Variants in RAB11FIP2 observed in about 807,000 individuals in gnomAD.
The protein encoded by RAB11FIP2 is RAB11 family interacting protein 2.
Under a neutral mutation model 40.9 loss-of-function variants are expected in RAB11FIP2, and 16 were observed. That is an observed-to-expected ratio of 0.39 (90% confidence interval 0.26 to 0.59). The LOEUF (loss-of-function observed/expected upper bound fraction) is 0.59, where lower values mean the gene tolerates loss of function less well. Among genes scored for constraint, RAB11FIP2 ranks in the 20% least tolerant of loss-of-function variants. The pLI, the probability that RAB11FIP2 is intolerant of heterozygous loss-of-function variation, is 0.53. For missense variants in RAB11FIP2, 532 were observed against 606.2 expected, an observed-to-expected ratio of 0.88 and a Z score of 1.28; for synonymous variants, 228 against 213.7, an observed-to-expected ratio of 1.07 and a Z score of -0.58.
At position 118,038,978 on chromosome 10, in the gene RAB11FIP2, G is replaced by A; in HGVS notation, c.1259C>T (p.Ser420Phe). 2 of 1,582,620 alleles carry A rather than the reference G, an allele frequency of 1.3e-6. No individual in the cohort carries two copies. The highest frequency in any genetic ancestry group is 1.7e-6 in the Non-Finnish European group (2 of 1,165,300). Residue 420 changes from serine to phenylalanine, a missense_variant, in exon 3 of 5, where the codon TCT becomes TTT. Physicochemically the swap from Ser to Phe is radical, Grantham distance 155. Coordinates refer to ENST00000355624, the MANE Select transcript of RAB11FIP2 (RefSeq NM_014904.3). ...AKFRASNIMP[S>F]SSFHMSPTSN... ...TCCCCCATATTAAGCTTACCTTGAA[G>A]ATGGCATTATATTTGAAGCCCTGAA...
rs541286947 is a variant in RAB11FIP2, at chr10:118,038,920, T to C, written c.1265+52A>G. 55 of 1,228,404 alleles carry C rather than the reference T, an allele frequency of 4.5e-5. No homozygotes were observed. In the African/African-American group the frequency reaches 7.9e-4, roughly 18 times the overall value. 76.1% of individuals were successfully genotyped at this position (1,228,404 alleles called of 1,614,324 possible). A position where few individuals can be genotyped will look rare whatever the true frequency, so the allele number is the denominator to read the frequency against. On this transcript the variant is annotated intron_variant, in intron 3 of 4. Coordinates refer to ENST00000355624, the MANE Select transcript of RAB11FIP2 (RefSeq NM_014904.3). ...GCATTTAAAAGAAATATTTGATACC[T>C]TCAAGTACAAGATTTTCCCAAATAG...
At chr10:118,034,175 C>T in intron 3 of RAB11FIP2, 1 of 636,428 alleles carries the variant, frequency 1.6e-6, no homozygotes, top group African/African-American at 1.8e-5. Context: ...CAAAAACTGG[C>T]AGCAAGCCAG....
intron 3 of RAB11FIP2, among the ~76,000 whole-genome samples, chr10:118,017,116 G>A (rs1846230348): frequency 6.6e-6 from 1 of 152,158 alleles, no homozygotes; most frequent in African/African-American, 2.4e-5. Context: ...ACAAGTCACA[G>A]AGAGGTTAGG....
At chr10:118,032,244 A>G (rs1335141204) in intron 3 of RAB11FIP2, among the ~76,000 whole-genome samples, 1 of 152,070 alleles carries the variant, frequency 6.6e-6, no homozygotes, top group Non-Finnish European at 1.5e-5. Flanking sequence ...GCATACAAAT[A>G]GAAGCATATT....
intron 3 of RAB11FIP2, among the ~76,000 whole-genome samples, chr10:118,036,756 CA>C (rs1846485793): frequency 6.6e-6 from 1 of 151,962 alleles, no homozygotes; most frequent in Non-Finnish European, 1.5e-5. Context: ...AAATGAAAAA[CA>C]ACTATTTTTT....
intron 3 of RAB11FIP2, among the ~76,000 whole-genome samples, chr10:118,018,844 C>CA (rs1846250541): frequency 1.3e-5 from 2 of 151,936 alleles, no homozygotes; most frequent in South Asian, 2.1e-4. Flanking sequence ...ATCATTAGAG[C>CA]AAAAAAACTG....
intron 3 of RAB11FIP2, among the ~76,000 whole-genome samples, chr10:118,038,465 C>T (rs1846509802): frequency 6.6e-6 from 1 of 152,046 alleles, no homozygotes; most frequent in Non-Finnish European, 1.5e-5. Flanking sequence ...ATTCCAATAA[C>T]AAGCATTCTC....
chr10:118,011,829 A>C (rs1436745453), intron 4 of RAB11FIP2, among the ~76,000 whole-genome samples: 1 of 152,090 alleles, frequency 6.6e-6, no homozygotes, highest in Non-Finnish European at 1.5e-5. Context: ...TAATGAAAGG[A>C]AGCTAAATGG....
intron 1 of RAB11FIP2, among the ~76,000 whole-genome samples, chr10:118,043,751 C>T (rs1212872765): frequency 6.6e-6 from 1 of 152,138 alleles, no homozygotes; most frequent in Non-Finnish European, 1.5e-5. Flanking sequence ...TTCTAAAAAG[C>T]ACTTGGGAAT....
At chr10:118,013,446 T>C (rs1846180365) in intron 4 of RAB11FIP2, among the ~76,000 whole-genome samples, 1 of 152,102 alleles carries the variant, frequency 6.6e-6, no homozygotes. Flanking sequence ...GGCACTAGCA[T>C]ATAAGACATA....
chr10:118,037,508 T>C (rs1846496355), intron 3 of RAB11FIP2, among the ~76,000 whole-genome samples: 1 of 152,086 alleles, frequency 6.6e-6, no homozygotes, highest in Non-Finnish European at 1.5e-5. Flanking sequence ...TGTTTTTTAG[T>C]AAAATATAAC....
Position 118,039,285 on chromosome 10 carries a change from G to A in RAB11FIP2, c.952C>T (p.Leu318=), listed in dbSNP as rs1310440940. Residue 318 remains leucine, a synonymous_variant, in exon 3 of 5, where the codon CTG becomes TTG. Coordinates refer to ENST00000355624, the MANE Select transcript of RAB11FIP2 (RefSeq NM_014904.3). ...TCAAATGGATTTTTCTTCCTTGGCA[G>A]TGTTGCAAATTTTTGGGGTAATGAA... ...TASLPQKFAT[L]PRKKNPFEES... is the part of the protein sequence containing the mutation. 1.9e-6 allele frequency: 3 copies of A among 1,613,698 alleles called. No individual in the cohort carries two copies. Among genetic ancestry groups the A allele is most frequent in the East Asian group, 2.2e-5 (1 of 44,848 alleles).
chr10:118,025,309 T>G (rs972670240), intron 3 of RAB11FIP2, among the ~76,000 whole-genome samples: 3 of 152,194 alleles, frequency 2.0e-5, no homozygotes, highest in African/African-American at 7.2e-5. Context: ...AAATAAACTA[T>G]TCAAAGAACA....
chr10:118,043,472 T>C (rs1170923113), intron 1 of RAB11FIP2: 1 of 152,212 alleles, frequency 6.6e-6, no homozygotes, highest in Non-Finnish European at 1.5e-5. Flanking sequence ...AAGGAGGAGA[T>C]ACAGAAGTTC....
intron 3 of RAB11FIP2, among the ~76,000 whole-genome samples, chr10:118,035,847 T>C (rs1260812668): frequency 2.6e-5 from 4 of 151,892 alleles, no homozygotes; most frequent in African/African-American, 4.8e-5. Context: ...TTCAAAGAAA[T>C]AGGGGCATGT....
intron 3 of RAB11FIP2, among the ~76,000 whole-genome samples, chr10:118,036,806 C>T (rs1846486496): frequency 6.6e-6 from 1 of 151,956 alleles, no homozygotes; most frequent in South Asian, 2.1e-4. Context: ...CATAAAACAG[C>T]TCTAATTTTG....
chr10:118,009,332 T>C, intron 4 of RAB11FIP2, 107 bp from the exon 5 acceptor site: 1 of 1,042,670 alleles, frequency 9.6e-7, no homozygotes, highest in Non-Finnish European at 1.4e-6. Context: ...GATGAAGTTT[T>C]TCGCTAGCCT....
chr10:118,021,641 A>C (rs1846283725), intron 3 of RAB11FIP2, among the ~76,000 whole-genome samples: 1 of 152,192 alleles, frequency 6.6e-6, no homozygotes, highest in South Asian at 2.1e-4. Flanking sequence ...ACCAATACTC[A>C]TTGCTTCTTT....
intron 4 of RAB11FIP2, among the ~76,000 whole-genome samples, chr10:118,012,481 C>T (rs1020371411): frequency 4.6e-5 from 7 of 151,804 alleles, no homozygotes; most frequent in African/African-American, 1.7e-4. Flanking sequence ...ACAATGTAAA[C>T]CTTCTAATTT....
Sources: allele counts gnomAD v4.1 joint callset (sites outside exome capture counted in the v4.1 genomes callset), GRCh38; gene constraint gnomAD v4.1.1; transcripts MANE v1.5; gene names NCBI Gene and HGNC (gene_info 2026-07-23, HGNC 2026-07-21).